Variants in PZP observed in about 807,000 individuals in gnomAD.
PZP encodes PZP alpha-2-macroglobulin like, also known as pregnancy zone protein.
In PZP, 150 loss-of-function variants were observed where a neutral mutation model predicts 179.8. The ratio of observed to expected loss-of-function variants is 0.83; its 90% CI spans 0.73 to 0.96. The LOEUF is 0.96. Among genes scored for constraint, PZP ranks in the 40% least tolerant of loss-of-function variants. The probability of loss-of-function intolerance (pLI) is 0.00; values close to 1 mark genes in which losing one functional copy is unlikely to be tolerated. For synonymous variants in PZP, 624 were observed against 652.3 expected (o/e 0.96, Z 0.66); for missense variants, 1,689 against 1,764.0 (o/e 0.96, Z 0.76).
intron 15 of PZP, among the ~76,000 whole-genome samples, chr12:9,177,567 TA>T (rs1238902440): frequency 6.6e-6 from 1 of 152,234 alleles, no homozygotes; most frequent in African/African-American, 2.4e-5. Flanking sequence ...AGTAGATAGG[TA>T]ACGCAAACAC....
At chr12:9,138,838 A>G in the PZP span, among the ~76,000 whole-genome samples, 3 of 150,566 alleles carry the variant, frequency 2.0e-5, no homozygotes, top group Non-Finnish European at 3.0e-5. Flanking sequence ...ATCTTCTTTC[A>G]TTTCTTTTTT....
chr12:9,160,168 CA>C, intron 24 of PZP, 143 bp from the exon 25 acceptor site: 1 of 1,103,260 alleles, frequency 9.1e-7, no homozygotes, highest in Non-Finnish European at 1.3e-6. Flanking sequence ...ATGGATAGAT[CA>C]AACACAACAT....
chr12:9,142,733 G>T, the PZP span, among the ~76,000 whole-genome samples: 3 of 152,108 alleles, frequency 2.0e-5, no homozygotes, highest in Non-Finnish European at 4.4e-5. Flanking sequence ...GGCCCTTTAA[G>T]AACAGGGCTA....
At chr12:9,192,864 G>A in intron 11 of PZP, 125 bp from the exon 12 acceptor site, 1 of 576,006 alleles carries the variant, frequency 1.7e-6, no homozygotes. Flanking sequence ...CCCTCATACT[G>A]GTCGACAGCC....
chr12:9,203,683 G>T, intron 2 of PZP, 85 bp downstream of exon 2: 4 of 1,474,788 alleles, frequency 2.7e-6, no homozygotes, highest in African/African-American at 1.4e-5. Context: ...CCTTGGGATC[G>T]CACACCAGAG....
At position 9,188,859 on chromosome 12, in the gene PZP, C is replaced by T. The variant is rs372056753; in HGVS notation, c.1546+3334G>A. Reference sequence around the variant, plus strand: ...CTATACAATGAGAATTATAAAACACCGCTCAAAGAAATCAGAGATGACACA... The same window carrying T: ...CTATACAATGAGAATTATAAAACACTGCTCAAAGAAATCAGAGATGACACA... On this transcript the variant is annotated intron_variant, in intron 13 of 35. Coordinates refer to ENST00000261336, the MANE Select transcript of PZP (RefSeq NM_002864.3). 3.0e-4 allele frequency among the ~76,000 whole-genome samples: 45 copies of T among 152,032 alleles called. No homozygotes were observed. The South Asian group carries it at 7.3e-3, about 25-fold the overall frequency.
chr12:9,154,563 C>G, intron 29 of PZP, 53 bp downstream of exon 29: 1 of 1,512,770 alleles, frequency 6.6e-7, no homozygotes, highest in East Asian at 2.3e-5. Context: ...TACTTTTAAG[C>G]CTCCCAATTG....
At chr12:9,204,792 TA>T (rs556949343) in intron 1 of PZP, among the ~76,000 whole-genome samples, 1 of 150,710 alleles carries the variant, frequency 6.6e-6, no homozygotes, top group African/African-American at 2.4e-5. Flanking sequence ...ATCTTTTCAA[TA>T]AAAAAAAACA....
intron 2 of PZP, among the ~76,000 whole-genome samples, chr12:9,203,191 T>C (rs758096334): frequency 6.6e-6 from 1 of 152,168 alleles, no homozygotes; most frequent in South Asian, 2.1e-4. Flanking sequence ...CTCCTCTAAG[T>C]CATGAAATTT....
intron 15 of PZP, among the ~76,000 whole-genome samples, chr12:9,175,300 C>T (rs1263795400): frequency 6.6e-6 from 1 of 152,142 alleles, no homozygotes; most frequent in Non-Finnish European, 1.5e-5. Flanking sequence ...TCACCATATA[C>T]AAAAATTAAC....
chr12:9,169,341 A>G (rs1171271102), intron 16 of PZP, 89 bp downstream of exon 16: 3 of 1,266,486 alleles, frequency 2.4e-6, no homozygotes, highest in Non-Finnish European at 3.2e-6. Flanking sequence ...GCAAGGCTAC[A>G]TAATTACTAA....
chr12:9,149,954 C>A (rs936470502), intron 34 of PZP, among the ~76,000 whole-genome samples: 4 of 152,156 alleles, frequency 2.6e-5, no homozygotes, highest in East Asian at 3.9e-4. Flanking sequence ...ATTGTTCCAG[C>A]TTGAAACACT....
At chr12:9,144,577 T>C (rs1162743839), downstream of PZP, among the ~76,000 whole-genome samples, 2 of 151,078 alleles carry the variant, frequency 1.3e-5, no homozygotes, top group African/African-American at 2.4e-5. Flanking sequence ...CAAAGACAGG[T>C]TTATTTTGGA....
At chr12:9,144,807 A>G (rs116073065), downstream of PZP, among the ~76,000 whole-genome samples, 527 of 152,218 alleles carry the variant, frequency 3.5e-3, 5 homozygotes, top group African/African-American at 0.012. Context: ...ATCTTGGGGC[A>G]GGCATATCTC....
At chr12:9,161,008 G>T (rs567340118) in intron 23 of PZP, 25 bp downstream of exon 23, 4 of 1,528,970 alleles carry the variant, frequency 2.6e-6, no homozygotes, top group East Asian at 2.2e-5. Flanking sequence ...TTTGGCCCAG[G>T]TTTACTAAAT....
Position 9,192,562 on chromosome 12 carries a change from G to A in PZP, c.1432C>T (p.Leu478=), listed in dbSNP as rs1301932546. The A allele has an allele frequency of 1.2e-6, 2 of 1,614,070 alleles. No individual in the cohort carries two copies. The highest frequency in any genetic ancestry group is 1.7e-6 in the Non-Finnish European group (2 of 1,180,042). Residue 478 remains leucine (L), a synonymous_variant, in exon 12 of 36, where the codon CTG becomes TTG. Transcript: ENST00000261336. ...HTETITAHYT[L]NRQAMGELSE... The stretch of plus-strand genomic sequence containing the variant: ...AACTCTCCCATGGCCTGTCTATTCA[G>A]TGTATAGTGTGCCGTGATAGTCTCC...
chr12:9,207,271 A>G (rs1172704345), intron 1 of PZP, among the ~76,000 whole-genome samples: 2 of 152,180 alleles, frequency 1.3e-5, no homozygotes, highest in African/African-American at 2.4e-5. Context: ...CTAGAAGTGC[A>G]GTGTGGGTAT....
intron 22 of PZP, among the ~76,000 whole-genome samples, chr12:9,162,113 C>T (rs1361593161): frequency 6.6e-6 from 1 of 152,150 alleles, no homozygotes; most frequent in African/African-American, 2.4e-5. Context: ...AGGCGCCCGC[C>T]ACCAGGCCTG....
At chr12:9,199,846 C>T (rs1040568033) in intron 7 of PZP, among the ~76,000 whole-genome samples, 8 of 152,002 alleles carry the variant, frequency 5.3e-5, no homozygotes, top group East Asian at 1.9e-4. Context: ...AACTTTGGCA[C>T]GTGATTGAAA....
Sources: gnomAD v4.1 joint callset for allele counts (sites outside exome capture counted in the v4.1 genomes callset) on GRCh38, gnomAD v4.1.1 for gene constraint, MANE v1.5 for transcripts, NCBI Gene and HGNC (gene_info 2026-07-23, HGNC 2026-07-21) for gene names.